SGMS1: variants seen among roughly 807,000 people sequenced by gnomAD.
The protein encoded by SGMS1 is sphingomyelin synthase 1.
Under a neutral mutation model 46.2 loss-of-function variants are expected in SGMS1, and 13 were observed. The ratio of observed to expected loss-of-function variants is 0.28; its 90% CI spans 0.18 to 0.45. The LOEUF (loss-of-function observed/expected upper bound fraction) is 0.45. SGMS1 is among the 20% of genes least tolerant of loss of function. The pLI is 1.00. For synonymous variants in SGMS1, 203 were observed against 187.8 expected, an observed-to-expected ratio of 1.08 and a Z score of -0.66; for missense variants, 324 against 519.9, an observed-to-expected ratio of 0.62 and a Z score of 3.66.
intron 9 of SGMS1, among the ~76,000 whole-genome samples, chr10:50,309,040 G>C (rs1847216131): frequency 6.6e-6 from 1 of 152,178 alleles, no homozygotes; most frequent in Non-Finnish European, 1.5e-5. Context: ...TTTGTGGGAA[G>C]ATCCCTTCCT....
intron 9 of SGMS1, among the ~76,000 whole-genome samples, chr10:50,308,415 A>T (rs1847207299): frequency 6.6e-6 from 1 of 152,186 alleles, no homozygotes; most frequent in East Asian, 1.9e-4. Flanking sequence ...AGATGAGGCT[A>T]ATCAAATAAG....
chr10:50,474,728 AAAAACAAAACAGAACAAAAC>A (rs1340247245), intron 3 of SGMS1, among the ~76,000 whole-genome samples: 1 of 152,114 alleles, frequency 6.6e-6, no homozygotes, highest in Non-Finnish European at 1.5e-5. Context: ...CCTCTCCCTT[AAAAACAAAACAGAACAAAAC>A]AAAACAAAAC....
intron 6 of SGMS1, among the ~76,000 whole-genome samples, chr10:50,410,425 C>A (rs1266356302): frequency 6.6e-6 from 1 of 152,124 alleles, no homozygotes; most frequent in Non-Finnish European, 1.5e-5. Context: ...TCATACTGAC[C>A]ACACTTGTGG....
At chr10:50,573,169 C>G (rs1838350563) in intron 2 of SGMS1, among the ~76,000 whole-genome samples, 1 of 152,176 alleles carries the variant, frequency 6.6e-6, no homozygotes, top group Non-Finnish European at 1.5e-5. Context: ...CCTCTAAGAT[C>G]TGGAATACAC....
intron 3 of SGMS1, among the ~76,000 whole-genome samples, chr10:50,480,364 G>T (rs897556136): frequency 1.3e-5 from 2 of 151,894 alleles, no homozygotes; most frequent in African/African-American, 4.8e-5. Flanking sequence ...TGGTTGCTTA[G>T]AAGCAGCTGT....
intron 9 of SGMS1, among the ~76,000 whole-genome samples, chr10:50,309,307 T>C (rs1847220618): frequency 6.6e-6 from 1 of 152,190 alleles, no homozygotes; most frequent in Admixed American, 6.5e-5. Context: ...TTAGTATCCA[T>C]ATATGCCATC....
At chr10:50,474,136 T>C (rs1837400385) in intron 3 of SGMS1, 2 of 152,192 alleles carry the variant, frequency 1.3e-5, no homozygotes, top group Non-Finnish European at 2.9e-5. Context: ...AACCCTTTTG[T>C]TGAGTGAGAG....
chr10:50,510,561 G>GT (rs1260979923), intron 3 of SGMS1, among the ~76,000 whole-genome samples: 1 of 150,182 alleles, frequency 6.7e-6, no homozygotes, highest in African/African-American at 2.4e-5. Context: ...TTTTTGTTTT[G>GT]TTTGTTTGCT....
upstream of SGMS1, chr10:50,624,573 T>C: frequency 1.0e-6 from 1 of 984,722 alleles, no homozygotes; most frequent in Non-Finnish European, 1.2e-6. Context: ...AAACTCCGAC[T>C]GCGTCAGAGC....
At chr10:50,391,256 T>G (rs1848761545) in intron 6 of SGMS1, among the ~76,000 whole-genome samples, 1 of 152,224 alleles carries the variant, frequency 6.6e-6, no homozygotes, top group Admixed American at 6.5e-5. Context: ...ACTAATCCCC[T>G]CTCATCTTCC....
At chr10:50,358,577 T>C (rs181466084) in intron 6 of SGMS1, among the ~76,000 whole-genome samples, 3 of 152,278 alleles carry the variant, frequency 2.0e-5, no homozygotes, top group Non-Finnish European at 4.4e-5. Flanking sequence ...CAATCCCAGA[T>C]ACTCAGGAAG....
In SGMS1 at chr10:50,421,147, TA is replaced by T. The variant is rs1193226037; in HGVS notation, c.-232+12328del. On this transcript the variant is annotated intron_variant, in intron 6 of 10. Coordinates refer to ENST00000361781, the MANE Select transcript of SGMS1 (RefSeq NM_147156.4). ...AGTACACGGATTCTCAACATATAGT[TA>T]TCAAAAAAAAGTGACGGTGAAACTA... Among the ~76,000 whole-genome samples the T allele has an allele frequency of 9.9e-5, 15 of 152,044 alleles. 1 individual carries two copies. Among genetic ancestry groups the T allele is most frequent in the Admixed American group, 9.2e-4 (14 of 15,266 alleles).
intron 5 of SGMS1, among the ~76,000 whole-genome samples, chr10:50,458,290 G>A (rs1156612591): frequency 6.7e-6 from 1 of 149,576 alleles, no homozygotes; most frequent in Non-Finnish European, 1.5e-5. Flanking sequence ...AACATTGCTG[G>A]TGAAAAATAG....
chr10:50,407,105 C>T (rs1420413502), intron 6 of SGMS1, among the ~76,000 whole-genome samples: 1 of 152,094 alleles, frequency 6.6e-6, no homozygotes, highest in East Asian at 1.9e-4. Context: ...ACTCCCTTTA[C>T]TAGTAGCATT....
chr10:50,385,279 CA>C (rs749146571), intron 6 of SGMS1, among the ~76,000 whole-genome samples: 11 of 152,080 alleles, frequency 7.2e-5, no homozygotes, highest in Non-Finnish European at 1.3e-4. Flanking sequence ...TGTTTTTTTA[CA>C]GGTCCTAGAA....
chr10:50,400,675 T>C (rs1003721243), intron 6 of SGMS1, among the ~76,000 whole-genome samples: 1 of 151,966 alleles, frequency 6.6e-6, no homozygotes, highest in African/African-American at 2.4e-5. Context: ...TTGCTCACTA[T>C]CTTATTAGTA....
At chr10:50,516,209 A>C (rs1837804890) in intron 3 of SGMS1, among the ~76,000 whole-genome samples, 1 of 152,222 alleles carries the variant, frequency 6.6e-6, no homozygotes, top group South Asian at 2.1e-4. Flanking sequence ...CCACTTTGAA[A>C]TACTTTTTTC....
At chr10:50,610,406 A>G (rs916083945) in intron 1 of SGMS1, among the ~76,000 whole-genome samples, 2 of 152,216 alleles carry the variant, frequency 1.3e-5, no homozygotes, top group Non-Finnish European at 2.9e-5. Context: ...ATACACTTAA[A>G]TACATGGTGG....
chr10:50,308,343 CTAGTGA>C, intron 9 of SGMS1, among the ~76,000 whole-genome samples, 195 bp from the exon 10 acceptor site: 1 of 152,184 alleles, frequency 6.6e-6, no homozygotes, highest in African/African-American at 2.4e-5. Flanking sequence ...TGTGATTATA[CTAGTGA>C]TAGTAATTCA....
Sources: gnomAD v4.1 joint callset for allele counts (sites outside exome capture counted in the v4.1 genomes callset) on GRCh38, gnomAD v4.1.1 for gene constraint, MANE v1.5 for transcripts, NCBI Gene and HGNC (gene_info 2026-07-23, HGNC 2026-07-21) for gene names.